The following CNBD2 variants were observed in gnomAD, a reference collection of about 807,000 sequenced individuals.
CNBD2 encodes the protein cyclic nucleotide binding domain containing 2, also known as cyclic nucleotide-binding domain-containing protein 2.
CNBD2 carries 64 observed loss-of-function variants against 63.7 expected under a neutral mutation model. The ratio of observed to expected loss-of-function variants is 1.00; its 90% CI spans 0.82 to 1.24. The LOEUF (loss-of-function observed/expected upper bound fraction) is 1.24, where lower values mean the gene tolerates loss of function less well. Ranked by LOEUF, CNBD2 falls within the 50% of genes most tolerant of loss-of-function variation. The pLI is 0.00. For synonymous variants in CNBD2, 229 were observed against 255.4 expected, an observed-to-expected ratio of 0.90 and a Z score of 0.99; for missense variants, 691 against 713.5, an observed-to-expected ratio of 0.97 and a Z score of 0.36.
At chr20:36,003,367 A>AT (rs1196270418) in intron 8 of CNBD2, among the ~76,000 whole-genome samples, 2 of 152,086 alleles carry the variant, frequency 1.3e-5, no homozygotes, top group South Asian at 4.1e-4. Flanking sequence ...TGAGTACTGC[A>AT]TATTTTTTAT....
rs544175153 is a variant in CNBD2 at position 35,997,346 on chromosome 20, C to T, written c.970+2194C>T. Among the ~76,000 whole-genome samples the T allele has an allele frequency of 2.6e-5, 4 of 151,224 alleles. No homozygotes were observed. The South Asian group carries it at 6.2e-4, about 24-fold the overall frequency. ...CCTGAGATTAGAACTGAGGCCAACA[C>T]AGGGTGGCGAGGAGAAGGGCGGAAA... On this transcript the variant is annotated intron_variant, in intron 8 of 11. Transcript: ENST00000373973.
In CNBD2 at chr20:36,023,619, C is replaced by T. The variant is rs1177885431; in HGVS notation, c.1287C>T (p.Phe429=). The T allele has an allele frequency of 2.2e-5, 35 of 1,601,676 alleles. No homozygotes were observed. Among genetic ancestry groups the T allele is most frequent in the Non-Finnish European group, 2.6e-5 (31 of 1,174,648 alleles). ...QGEILGLHQA[F]LPEGECDTRP... ...CTCCCGAGGGTCTTCACCAGGCCTTCCTTCCAGAGGGTGAATGCGACACAC... is the reference window on the plus strand; with the variant it reads ...CTCCCGAGGGTCTTCACCAGGCCTTTCTTCCAGAGGGTGAATGCGACACAC... Residue 429 remains phenylalanine (F), a synonymous_variant, in exon 11 of 12, where the codon TTC becomes TTT. Transcript: ENST00000373973.
At chr20:35,996,593 T>A (rs1283244392) in intron 8 of CNBD2, among the ~76,000 whole-genome samples, 1 of 151,074 alleles carries the variant, frequency 6.6e-6, no homozygotes, top group Non-Finnish European at 1.5e-5. Context: ...CTGCAACCTC[T>A]GCCTCCCAGG....
At chr20:36,024,462 C>T (rs894968525) in intron 11 of CNBD2, among the ~76,000 whole-genome samples, 4 of 150,006 alleles carry the variant, frequency 2.7e-5, no homozygotes, top group Non-Finnish European at 5.9e-5. Context: ...AACCCTGCCT[C>T]TACTAAAAAT....
intron 11 of CNBD2, among the ~76,000 whole-genome samples, chr20:36,027,637 A>G (rs2057297159): frequency 1.3e-5 from 2 of 152,124 alleles, no homozygotes; most frequent in African/African-American, 4.8e-5. Context: ...TAAATATTTA[A>G]GTAAAAGGAA....
chr20:36,020,452 T>C (rs923249960), intron 10 of CNBD2, among the ~76,000 whole-genome samples: 1 of 152,194 alleles, frequency 6.6e-6, no homozygotes, highest in Non-Finnish European at 1.5e-5. Flanking sequence ...GTCAGCTCAC[T>C]GGATTGTGGT....
At chr20:35,954,609 G>A (rs551273283), upstream of CNBD2, 4,445 of 1,371,808 alleles carry the variant, frequency 3.2e-3, 27 homozygotes, top group South Asian at 0.016. Context: ...CGCGGTGCGG[G>A]AGGGCGAGCT....
chr20:35,963,875 G>T (rs2056326028), upstream of CNBD2, among the ~76,000 whole-genome samples: 1 of 152,064 alleles, frequency 6.6e-6, no homozygotes, highest in Non-Finnish European at 1.5e-5. Flanking sequence ...GATCCATACT[G>T]GGGGTTGCAA....
intron 2 of CNBD2, among the ~76,000 whole-genome samples, chr20:35,961,817 C>T (rs929670835): frequency 2.0e-5 from 3 of 152,002 alleles, no homozygotes; most frequent in African/African-American, 7.3e-5. Flanking sequence ...TTAGCCCTCT[C>T]CTCTTCCGAT....
intron 8 of CNBD2, 109 bp from the exon 9 acceptor site, chr20:36,008,188 T>G: frequency 1.2e-6 from 1 of 836,134 alleles, no homozygotes; most frequent in Non-Finnish European, 1.8e-6. Context: ...AATTTCCCCA[T>G]GTGCTAGACC....
Position 36,030,649 on chromosome 20 carries a change from T to G in CNBD2, c.*1T>G. On this transcript the variant is annotated 3_prime_UTR_variant, in exon 12 of 12. Transcript: ENST00000373973. The stretch of plus-strand genomic sequence containing the variant: ...CAAAATCCGAGAACTCTTGGCTTAG[T>G]GTAAGAGCACAGGGGTCCTTATTTA... The G allele has an allele frequency of 6.2e-7, 1 of 1,613,994 alleles. No individual in the cohort carries two copies. The highest frequency in any genetic ancestry group is 8.5e-7 in the Non-Finnish European group (1 of 1,179,954).
intron 7 of CNBD2, among the ~76,000 whole-genome samples, chr20:35,993,601 G>A (rs985001693): frequency 6.6e-6 from 1 of 152,074 alleles, no homozygotes; most frequent in Non-Finnish European, 1.5e-5. Flanking sequence ...AAATGAATTC[G>A]TTGATGAAAA....
intron 3 of CNBD2, among the ~76,000 whole-genome samples, chr20:35,976,438 A>G (rs2056519856): frequency 6.6e-6 from 1 of 152,144 alleles, no homozygotes; most frequent in Admixed American, 6.5e-5. Context: ...GGTGTCAGAT[A>G]CCCTTAAAGA....
intron 4 of CNBD2, 108 bp downstream of exon 4, chr20:35,980,730 C>T: frequency 9.8e-7 from 1 of 1,016,396 alleles, no homozygotes; most frequent in Non-Finnish European, 1.4e-6. Flanking sequence ...ATAATGTCAG[C>T]CATGAATGAA....
chr20:35,993,215 A>G (rs1318301898), intron 7 of CNBD2, among the ~76,000 whole-genome samples: 1 of 152,208 alleles, frequency 6.6e-6, no homozygotes, highest in Non-Finnish European at 1.5e-5. Flanking sequence ...ATAAATTTTT[A>G]TATATGTATA....
rs796352149 is a variant in CNBD2 at position 35,983,927 on chromosome 20, G to C, written c.408-55G>C. ...CACAACCAGTCCAGAGCTCCTCTCA[G>C]CTTGGACCTGCCCCCATGTCACTAC... On this transcript the variant is annotated intron_variant, in intron 4 of 11. Coordinates refer to ENST00000373973, the MANE Select transcript of CNBD2 (RefSeq NM_001365709.1). 109 of 1,607,704 alleles carry C rather than the reference G, an allele frequency of 6.8e-5. No homozygotes were observed. The African/African-American group carries it at 1.2e-3, about 18-fold the overall frequency.
At chr20:36,018,130 A>G (rs2057160163) in intron 10 of CNBD2, among the ~76,000 whole-genome samples, 1 of 152,116 alleles carries the variant, frequency 6.6e-6, no homozygotes, top group Non-Finnish European at 1.5e-5. Flanking sequence ...CTTCACTTCA[A>G]TTTATTAATG....
At chr20:35,999,983 C>A (rs757979022) in intron 8 of CNBD2, among the ~76,000 whole-genome samples, 1 of 152,118 alleles carries the variant, frequency 6.6e-6, no homozygotes, top group Non-Finnish European at 1.5e-5. Context: ...CCAGCTTAAA[C>A]AAGTATCTTT....
At chr20:36,011,089 A>G in intron 9 of CNBD2, 48 bp from the exon 10 acceptor site, 1 of 1,436,380 alleles carries the variant, frequency 7.0e-7, no homozygotes, top group Non-Finnish European at 9.2e-7. Context: ...GGGCCTCAGG[A>G]GCAGACTGTG....
Sources: gnomAD v4.1 joint callset for allele counts (sites outside exome capture counted in the v4.1 genomes callset) on GRCh38, gnomAD v4.1.1 for gene constraint, MANE v1.5 for transcripts, NCBI Gene and HGNC (gene_info 2026-07-23, HGNC 2026-07-21) for gene names.